Variants in ZHX3 observed in about 807,000 individuals in gnomAD.
ZHX3 encodes the protein zinc fingers and homeoboxes protein 3.
Under a neutral mutation model 64.5 loss-of-function variants are expected in ZHX3, and 20 were observed. The ratio of observed to expected loss-of-function variants is 0.31; its 90% CI spans 0.22 to 0.45. ZHX3 has a LOEUF of 0.45. Among genes scored for constraint, ZHX3 ranks in the 20% least tolerant of loss-of-function variants. The pLI is 1.00. For missense variants in ZHX3, 1,041 were observed against 1,195.8 expected, an observed-to-expected ratio of 0.87 and a Z score of 1.91; for synonymous variants, 423 against 461.6, an observed-to-expected ratio of 0.92 and a Z score of 1.07.
At chr20:41,266,305 A>C (rs1256764353) in intron 2 of ZHX3, among the ~76,000 whole-genome samples, 1 of 152,156 alleles carries the variant, frequency 6.6e-6, no homozygotes, top group African/African-American at 2.4e-5. Context: ...GTCACCAGGT[A>C]GTAGGTACAG....
chr20:41,189,005 T>A (rs1236928493), intron 3 of ZHX3, among the ~76,000 whole-genome samples: 2 of 152,212 alleles, frequency 1.3e-5, no homozygotes, highest in Non-Finnish European at 2.9e-5. Flanking sequence ...TTAATCTGTC[T>A]TAACTTTTGT....
chr20:41,241,329 T>TCCCTTGC (rs1439273563), intron 2 of ZHX3, among the ~76,000 whole-genome samples: 1 of 152,222 alleles, frequency 6.6e-6, no homozygotes, highest in Non-Finnish European at 1.5e-5. Flanking sequence ...TCTATTCAAA[T>TCCCTTGC]CCCTTGCCCA....
chr20:41,300,853 T>C (rs560249516), intron 1 of ZHX3, among the ~76,000 whole-genome samples: 89 of 152,202 alleles, frequency 5.8e-4, no homozygotes, highest in African/African-American at 2.0e-3. Context: ...CACAGAATGA[T>C]GGGTCAGAAA....
At position 41,204,577 on chromosome 20, in the gene ZHX3, A is replaced by G. The variant is rs749276536; in HGVS notation, c.340T>C (p.Cys114Arg). 3 of 1,614,198 alleles carry G rather than the reference A, an allele frequency of 1.9e-6. No homozygotes were observed. Among genetic ancestry groups the G allele is most frequent in the South Asian group, 2.2e-5 (2 of 91,086 alleles). Reference protein sequence around the residue: ...NKDPTFVCSGCSFLAKTPEGL... With the variant: ...NKDPTFVCSGRSFLAKTPEGL... ...TCAGGGGTTTTTGCCAGAAAACTGC[A>G]CCCACTGCATACAAAGGTTGGGTCT... Residue 114 changes from cysteine (C) to arginine (R), a missense_variant, in exon 3 of 4, where the codon TGC becomes CGC. Transcript: ENST00000683867. The surrounding 1 kb of genome is among the most constrained non-coding windows in gnomAD (Gnocchi z 6.6).
intron 3 of ZHX3, among the ~76,000 whole-genome samples, chr20:41,187,514 AC>A (rs1317889413): frequency 6.6e-6 from 1 of 152,018 alleles, no homozygotes; most frequent in African/African-American, 2.4e-5. Context: ...GTTTCCCAGC[AC>A]CTTTTGGTGA....
intron 3 of ZHX3, among the ~76,000 whole-genome samples, chr20:41,194,257 A>C (rs1231523363): frequency 6.6e-6 from 1 of 152,038 alleles, no homozygotes; most frequent in African/African-American, 2.4e-5. Flanking sequence ...TCATATTGTC[A>C]TATTCCTAGT....
chr20:41,311,911 C>T (rs1233782279), intron 1 of ZHX3, among the ~76,000 whole-genome samples: 2 of 152,232 alleles, frequency 1.3e-5, no homozygotes, highest in African/African-American at 4.8e-5. Flanking sequence ...CCTACACCTA[C>T]TGGACTCTGG....
chr20:41,297,706 G>A (rs1568957958), intron 1 of ZHX3, among the ~76,000 whole-genome samples: 1 of 152,188 alleles, frequency 6.6e-6, no homozygotes, highest in Non-Finnish European at 1.5e-5. Context: ...AGTTACCCAG[G>A]GTAAGTAAGT....
chr20:41,286,491 A>G (rs1052369316), intron 1 of ZHX3, among the ~76,000 whole-genome samples: 28 of 152,194 alleles, frequency 1.8e-4, no homozygotes, highest in African/African-American at 6.5e-4. Context: ...AGTCATACTT[A>G]TTATAGTCAA....
rs564449564 is a variant in ZHX3 at position 41,260,242 on chromosome 20, TGGCC to T, written c.-151+8744_-151+8747del. Reference sequence around the variant, plus strand: ...ACCATCTTAAATAGTTTTGAAGTTCTGGCCAATGCAGCAAGACAGCTGAAATAAG... The same window carrying T: ...ACCATCTTAAATAGTTTTGAAGTTCTAATGCAGCAAGACAGCTGAAATAAG... On this transcript the variant is annotated intron_variant, in intron 2 of 3. Coordinates refer to ENST00000683867, the MANE Select transcript of ZHX3 (RefSeq NM_001384317.1). 2.4e-3 allele frequency among the ~76,000 whole-genome samples: 362 copies of T among 151,718 alleles called. 1 individual carries two copies. The highest frequency in any genetic ancestry group is 8.3e-3 in the African/African-American group (344 of 41,362).
At chr20:41,271,186 A>G (rs575187347) in intron 1 of ZHX3, among the ~76,000 whole-genome samples, 1 of 152,144 alleles carries the variant, frequency 6.6e-6, no homozygotes, top group East Asian at 1.9e-4. Context: ...ACACCCAGCT[A>G]ATTTTTGTAT....
intron 2 of ZHX3, among the ~76,000 whole-genome samples, chr20:41,245,879 G>A (rs1274046731): frequency 1.3e-5 from 2 of 152,168 alleles, no homozygotes; most frequent in African/African-American, 4.8e-5. Flanking sequence ...TCCACTTTGA[G>A]AAGCAGCAAG....
intron 2 of ZHX3, among the ~76,000 whole-genome samples, chr20:41,265,497 C>T (rs1378577325): frequency 3.3e-5 from 5 of 152,090 alleles, no homozygotes; most frequent in Non-Finnish European, 4.4e-5. Context: ...CCACCGCGCC[C>T]GGCCGTTACG....
At chr20:41,248,806 AACAAACT>A (rs1310947679) in intron 2 of ZHX3, among the ~76,000 whole-genome samples, 1 of 152,146 alleles carries the variant, frequency 6.6e-6, no homozygotes, top group Non-Finnish European at 1.5e-5. Context: ...TCTTCAGGAG[AACAAACT>A]GTTCTCCACT....
At chr20:41,317,438 G>A (rs2045320809) in intron 1 of ZHX3, 71 bp downstream of exon 1, 1 of 151,462 alleles carries the variant, frequency 6.6e-6, no homozygotes, top group Non-Finnish European at 1.5e-5. Flanking sequence ...GACAGGCAGA[G>A]AGAGATACAG....
chr20:41,257,964 G>C (rs1178946224), intron 2 of ZHX3, among the ~76,000 whole-genome samples: 1 of 124,592 alleles, frequency 8.0e-6, no homozygotes, highest in African/African-American at 3.7e-5. Context: ...GGGGTACAGT[G>C]GCACAGCTCA....
intron 2 of ZHX3, among the ~76,000 whole-genome samples, chr20:41,252,495 C>T (rs930816501): frequency 1.3e-5 from 2 of 152,172 alleles, no homozygotes; most frequent in Admixed American, 1.3e-4. Flanking sequence ...TGTCATCCCG[C>T]GATGCTGGTG....
At chr20:41,196,113 G>A (rs2146175352) in intron 3 of ZHX3, among the ~76,000 whole-genome samples, 1 of 150,958 alleles carries the variant, frequency 6.6e-6, no homozygotes, top group Non-Finnish European at 1.5e-5. Flanking sequence ...TTTGCTTAGA[G>A]TGTTGTTGAA....
rs1273277129 is a variant in ZHX3, at chr20:41,184,741, C to T, written c.*450G>A. ...GAGGGGCACCTGTGACCCAGCAATC[C>T]CCAGAGAACAGACACAGGTCATTTT... On this transcript the variant is annotated 3_prime_UTR_variant, in exon 4 of 4. Coordinates refer to ENST00000683867, the MANE Select transcript of ZHX3 (RefSeq NM_001384317.1). 2.5e-6 allele frequency: 2 copies of T among 797,036 alleles called. No individual in the cohort carries two copies. 49.4% of individuals were successfully genotyped at this position (797,036 alleles called of 1,614,324 possible).
Sources: gnomAD v4.1 joint callset for allele counts (sites outside exome capture counted in the v4.1 genomes callset) on GRCh38, gnomAD v4.1.1 for gene constraint, Gnocchi (gnomAD v3.1) non-coding constraint, MANE v1.5 for transcripts, NCBI Gene and HGNC (gene_info 2026-07-23, HGNC 2026-07-21) for gene names.